CABCOCO1: variants seen among roughly 807,000 people sequenced by gnomAD.
The protein encoded by CABCOCO1 is ciliary-associated calcium-binding coiled-coil protein 1.
CABCOCO1 carries 28 observed loss-of-function variants against 35.7 expected under a neutral mutation model. That is an observed-to-expected ratio of 0.78 (90% CI 0.58 to 1.07). The LOEUF (loss-of-function observed/expected upper bound fraction) is 1.07, where lower values mean the gene tolerates loss of function less well. Among genes scored for constraint, CABCOCO1 ranks in the 50% least tolerant of loss-of-function variants. The pLI, the probability that CABCOCO1 is intolerant of heterozygous loss-of-function variation, is 0.00. For missense variants in CABCOCO1, 326 were observed against 309.2 expected, an observed-to-expected ratio of 1.05 and a Z score of -0.41; for synonymous variants, 95 against 100.1, an observed-to-expected ratio of 0.95 and a Z score of 0.30.
chr10:61,724,830 GA>G (rs1841105061), intron 5 of CABCOCO1, among the ~76,000 whole-genome samples: 1 of 152,172 alleles, frequency 6.6e-6, no homozygotes, highest in African/African-American at 2.4e-5. Flanking sequence ...CAGTAGGGGG[GA>G]GGGATAGCAT....
At chr10:61,727,927 G>A (rs1208600020) in intron 5 of CABCOCO1, among the ~76,000 whole-genome samples, 3 of 152,152 alleles carry the variant, frequency 2.0e-5, no homozygotes, top group East Asian at 3.8e-4. Context: ...TATGGAATAT[G>A]TTAGTAGAAG....
intron 5 of CABCOCO1, among the ~76,000 whole-genome samples, chr10:61,748,771 A>G (rs1182120659): frequency 6.6e-6 from 1 of 152,216 alleles, no homozygotes; most frequent in Non-Finnish European, 1.5e-5. Context: ...ATAGGTGCCT[A>G]AAATCCACAG....
At chr10:61,686,741 T>C (rs1383294834) in intron 4 of CABCOCO1, among the ~76,000 whole-genome samples, 1 of 152,216 alleles carries the variant, frequency 6.6e-6, no homozygotes, top group Non-Finnish European at 1.5e-5. Flanking sequence ...ACTCATTAAG[T>C]CTTTCTTACT....
At chr10:61,680,989 T>A (rs1000346638) in intron 2 of CABCOCO1, among the ~76,000 whole-genome samples, 154 bp from the exon 3 acceptor site, 1 of 151,614 alleles carries the variant, frequency 6.6e-6, no homozygotes, top group African/African-American at 2.4e-5. Context: ...CTCTGTTTCT[T>A]TTTTGAATGT....
At chr10:61,718,854 C>A (rs565360273) in intron 5 of CABCOCO1, among the ~76,000 whole-genome samples, 1 of 152,228 alleles carries the variant, frequency 6.6e-6, no homozygotes, top group Admixed American at 6.5e-5. Flanking sequence ...ACTGAGGGGA[C>A]ATATTTCTCA....
At chr10:61,733,863 T>A (rs1327531949) in intron 5 of CABCOCO1, among the ~76,000 whole-genome samples, 2 of 152,022 alleles carry the variant, frequency 1.3e-5, no homozygotes, top group Non-Finnish European at 2.9e-5. Flanking sequence ...GGAAGATAAA[T>A]TCTTCAGCTA....
chr10:61,684,496 A>G (rs1209312584), intron 3 of CABCOCO1, among the ~76,000 whole-genome samples: 1 of 152,186 alleles, frequency 6.6e-6, no homozygotes, highest in African/African-American at 2.4e-5. Context: ...CTGTGTTCTC[A>G]TAACTGTTTT....
At chr10:61,718,799 A>G (rs1464376526) in intron 5 of CABCOCO1, among the ~76,000 whole-genome samples, 1 of 152,320 alleles carries the variant, frequency 6.6e-6, no homozygotes, top group Non-Finnish European at 1.5e-5. Flanking sequence ...TTATTTTACC[A>G]CATCTAACAG....
chr10:61,758,343 A>C (rs376951319), intron 5 of CABCOCO1, among the ~76,000 whole-genome samples: 2 of 152,142 alleles, frequency 1.3e-5, no homozygotes, highest in South Asian at 4.1e-4. Flanking sequence ...AATAAAGAGC[A>C]ATAGAAGGTA....
At chr10:61,751,134 C>G (rs756676892) in intron 5 of CABCOCO1, among the ~76,000 whole-genome samples, 3 of 151,472 alleles carry the variant, frequency 2.0e-5, no homozygotes, top group Admixed American at 6.6e-5. Flanking sequence ...GCAGAGGGAG[C>G]AGCACAGGCA....
At chr10:61,667,922 A>G (rs1329626123) in intron 1 of CABCOCO1, among the ~76,000 whole-genome samples, 1 of 151,968 alleles carries the variant, frequency 6.6e-6, no homozygotes, top group Non-Finnish European at 1.5e-5. Flanking sequence ...GTTGCCATCC[A>G]TCACCTTTTT....
At chr10:61,670,435 G>C (rs554537518) in intron 1 of CABCOCO1, among the ~76,000 whole-genome samples, 2 of 152,010 alleles carry the variant, frequency 1.3e-5, no homozygotes, top group South Asian at 4.2e-4. Flanking sequence ...TACAAAAAAA[G>C]TGGTTAATAA....
chr10:61,730,479 C>G (rs1453462006), intron 5 of CABCOCO1, among the ~76,000 whole-genome samples: 1 of 151,972 alleles, frequency 6.6e-6, no homozygotes, highest in East Asian at 1.9e-4. Flanking sequence ...AGAATGACAA[C>G]TAATAAATCC....
intron 2 of CABCOCO1, among the ~76,000 whole-genome samples, chr10:61,677,811 G>GTTTTT (rs35492889): frequency 3.4e-3 from 204 of 60,206 alleles, no homozygotes; most frequent in Middle Eastern, 0.024. Flanking sequence ...TTTTTTGGGT[G>GTTTTT]TTTTTTTTTT....
chr10:61,672,466 A>G (rs1009518467), intron 1 of CABCOCO1, among the ~76,000 whole-genome samples, 166 bp from the exon 2 acceptor site: 2 of 152,274 alleles, frequency 1.3e-5, no homozygotes, highest in African/African-American at 4.8e-5. Context: ...GGTGAAAGGT[A>G]CCGTTGCATA....
chr10:61,716,858 T>G (rs1840880854), intron 5 of CABCOCO1, among the ~76,000 whole-genome samples: 1 of 151,562 alleles, frequency 6.6e-6, no homozygotes, highest in Admixed American at 6.6e-5. Flanking sequence ...TTCTAATAGG[T>G]CAATACTAGA....
chr10:61,736,512 G>A (rs1841419186), intron 5 of CABCOCO1, among the ~76,000 whole-genome samples: 1 of 152,012 alleles, frequency 6.6e-6, no homozygotes. Flanking sequence ...GCCTGTTTTT[G>A]TATCAATACC....
intron 4 of CABCOCO1, among the ~76,000 whole-genome samples, chr10:61,687,464 T>G (rs973405633): frequency 1.3e-5 from 2 of 152,210 alleles, no homozygotes; most frequent in Admixed American, 6.5e-5. Context: ...CAGTTTCTCT[T>G]GCAGAACACA....
At chr10:61,713,559 T>A (rs561812980) in intron 5 of CABCOCO1, among the ~76,000 whole-genome samples, 30 of 152,342 alleles carry the variant, frequency 2.0e-4, no homozygotes, top group Admixed American at 5.2e-4. Context: ...TGAATAGGAA[T>A]GGTGAGAGAG....
Sources: gnomAD v4.1 joint callset for allele counts (sites outside exome capture counted in the v4.1 genomes callset) on GRCh38, gnomAD v4.1.1 for gene constraint, MANE v1.5 for transcripts, NCBI Gene and HGNC (gene_info 2026-07-23, HGNC 2026-07-21) for gene names.